Variants in CD86 observed in about 807,000 individuals in gnomAD.
CD86 encodes CD86 molecule, also known as T-lymphocyte activation antigen CD86.
CD86 carries 11 observed loss-of-function variants against 32.1 expected under a neutral mutation model. That is an observed-to-expected ratio of 0.34 (90% CI 0.22 to 0.57). The LOEUF (loss-of-function observed/expected upper bound fraction) is 0.57, where lower values mean the gene tolerates loss of function less well. Among genes scored for constraint, CD86 ranks in the 20% least tolerant of loss-of-function variants. The pLI is 0.86. For synonymous variants in CD86, 137 were observed against 135.3 expected (o/e 1.01, Z -0.09); for missense variants, 359 against 398.4 (o/e 0.90, Z 0.84).
chr3:122,091,251 T>G (rs1232877631), intron 1 of CD86, among the ~76,000 whole-genome samples: 1 of 152,246 alleles, frequency 6.6e-6, no homozygotes, highest in East Asian at 1.9e-4. Context: ...TGCGATTTTC[T>G]AGGCCCTTGG....
chr3:122,091,611 C>T lies in CD86; in HGVS notation c.25C>T (p.Leu9=), dbSNP rs775312353. Residue 9 remains leucine (L), a synonymous_variant, in exon 2 of 7, where the codon CTG becomes TTG. Transcript: ENST00000330540. MDPQCTMG[L]SNILFVMAFL... The stretch of plus-strand genomic sequence containing the variant: ...TTTTCTCGACTCTAGCACTATGGGA[C>T]TGAGTAACATTCTCTTTGTGATGGC... 3 of 1,611,762 alleles carry T rather than the reference C, an allele frequency of 1.9e-6. No individual in the cohort carries two copies. The African/African-American group carries it at 4.0e-5, about 22-fold the overall frequency.
intron 2 of CD86, among the ~76,000 whole-genome samples, chr3:122,092,891 G>A (rs2072847842): frequency 6.6e-6 from 1 of 152,214 alleles, no homozygotes; most frequent in African/African-American, 2.4e-5. Context: ...TCAGATCCAT[G>A]CTGGCTGGGA....
At chr3:122,061,543 G>T in intron 1 of CD86, among the ~76,000 whole-genome samples, 1 of 151,936 alleles carries the variant, frequency 6.6e-6, no homozygotes, top group East Asian at 1.9e-4. Context: ...AGAAAAATGG[G>T]CAAAAGATAT....
chr3:122,104,486 AT>A (rs1008653326), intron 3 of CD86, among the ~76,000 whole-genome samples: 8 of 151,502 alleles, frequency 5.3e-5, no homozygotes, highest in Non-Finnish European at 7.4e-5. Context: ...CAGTAAAATT[AT>A]TTTTTTTTGT....
chr3:122,072,385 G>A (rs1158928339), intron 1 of CD86, among the ~76,000 whole-genome samples: 1 of 151,878 alleles, frequency 6.6e-6, no homozygotes, highest in Non-Finnish European at 1.5e-5. Flanking sequence ...ATTCTCTCCA[G>A]CACCTGTTGT....
intron 5 of CD86, among the ~76,000 whole-genome samples, chr3:122,116,185 T>G (rs981471542): frequency 6.6e-6 from 1 of 152,210 alleles, no homozygotes; most frequent in Non-Finnish European, 1.5e-5. Flanking sequence ...TTCTTTGACT[T>G]TGTTTAAAAA....
chr3:122,070,443 G>A (rs186215792), intron 1 of CD86, among the ~76,000 whole-genome samples: 51 of 152,156 alleles, frequency 3.4e-4, no homozygotes, highest in Admixed American at 1.0e-3. Flanking sequence ...ACCCCACCTC[G>A]GTAACTCACT....
intron 1 of CD86, chr3:122,078,170 C>A: frequency 2.1e-6 from 1 of 466,432 alleles, no homozygotes; most frequent in Non-Finnish European, 2.8e-6. Context: ...TTGCAGAGAG[C>A]ATGCTTAAAA....
At chr3:122,105,245 G>A (rs1399127376) in intron 3 of CD86, among the ~76,000 whole-genome samples, 3 of 152,280 alleles carry the variant, frequency 2.0e-5, no homozygotes, top group South Asian at 2.1e-4. Flanking sequence ...TCTAACTTAC[G>A]CAACATGTGA....
chr3:122,091,592 C>T lies in CD86; in HGVS notation c.15-9C>T, dbSNP rs780736216. On this transcript the variant is annotated splice_polypyrimidine_tract_variant and intron_variant, in intron 1 of 6. Coordinates refer to ENST00000330540, the MANE Select transcript of CD86 (RefSeq NM_175862.5). ...AATCAAGTTTTACCTTTTTTTTTCT[C>T]GACTCTAGCACTATGGGACTGAGTA... 1.4e-5 allele frequency: 23 copies of T among 1,600,210 alleles called. No homozygotes were observed. In the South Asian group the frequency reaches 1.4e-4, roughly 10 times the overall value.
At chr3:122,117,935 AAAGTC>A (rs766716081) in intron 5 of CD86, 108 bp from the exon 6 acceptor site, 14 of 837,608 alleles carry the variant, frequency 1.7e-5, no homozygotes, top group Non-Finnish European at 2.8e-5. Flanking sequence ...TTCCATATAT[AAAGTC>A]ACAACAATTT....
intron 3 of CD86, 116 bp downstream of exon 3, chr3:122,103,963 G>A (rs1195048059): frequency 1.2e-6 from 1 of 805,380 alleles, no homozygotes; most frequent in African/African-American, 1.7e-5. Context: ...GGGGTCTATA[G>A]AGAGAAGGCA....
intron 1 of CD86, among the ~76,000 whole-genome samples, chr3:122,091,180 T>C (rs1052291441): frequency 6.6e-6 from 1 of 152,112 alleles, no homozygotes; most frequent in Non-Finnish European, 1.5e-5. Flanking sequence ...GTGGGAGAGG[T>C]GTAAAGAGAG....
chr3:122,109,244 A>C, intron 4 of CD86, 21 bp from the exon 5 acceptor site: 4 of 1,605,954 alleles, frequency 2.5e-6, no homozygotes, highest in Non-Finnish European at 3.4e-6. Context: ...TGGCTGATTG[A>C]AAATTTGTGG....
chr3:122,119,478 CGT>C lies in CD86; in HGVS notation c.937_938del (p.Val313PhefsTer2). ...ACCTGAAAGATCTGATGAAGCCCAG[CGT>C]GTTTTTAAAAGTTCGAAGACATCTT... is the stretch of plus-strand genomic sequence containing the variant. ...HIPERSDEAQ[R>X]VFKSSKTSSC... On this transcript the variant is annotated frameshift_variant, in exon 7 of 7. Transcript: ENST00000330540. LOFTEE classifies it low-confidence loss of function (END_TRUNC). 6.2e-7 allele frequency: 1 copy of C among 1,611,392 alleles called. No individual in the cohort carries two copies. The highest frequency in any genetic ancestry group is 8.5e-7 in the Non-Finnish European group (1 of 1,177,634).
intron 5 of CD86, among the ~76,000 whole-genome samples, chr3:122,115,265 C>A (rs1242279213): frequency 2.6e-5 from 4 of 151,988 alleles, no homozygotes; most frequent in Admixed American, 2.6e-4. Context: ...ATAATAGCAT[C>A]AAATAATATT....
In CD86 at chr3:122,091,685, C is replaced by T. The variant is rs764491301; in HGVS notation, c.64+35C>T. ...TTTCAGCTTTGTTAAGTCCTGGAAT[C>T]CTACTGTCTCCTGATGAGTCTGACC... On this transcript the variant is annotated intron_variant, in intron 2 of 6. Transcript: ENST00000330540. 5.8e-6 allele frequency: 9 copies of T among 1,557,310 alleles called. No homozygotes were observed. The South Asian group carries it at 8.9e-5, about 15-fold the overall frequency.
chr3:122,082,876 T>C (rs1271942254), intron 1 of CD86, among the ~76,000 whole-genome samples: 1 of 152,240 alleles, frequency 6.6e-6, no homozygotes, highest in Admixed American at 6.5e-5. Context: ...TTTTACTAAA[T>C]ACATAAAAGT....
rs1389774869 is a variant in CD86, at chr3:122,106,210, A to C, written c.413A>C (p.Gln138Pro). 3.1e-6 allele frequency: 5 copies of C among 1,596,264 alleles called. No homozygotes were observed. The highest frequency in any genetic ancestry group is 4.5e-5 in the East Asian group (2 of 44,654). ...CTTCTGCTTTCAGCTAACTTCAGTC[A>C]ACCTGAAATAGTACCAATTTCTAAT... is the stretch of plus-strand genomic sequence containing the variant. The part of the protein sequence containing the change: ...SELSVLANFS[Q>P]PEIVPISNIT... Residue 138 changes from glutamine to proline, a missense_variant, in exon 4 of 7, where the codon CAA becomes CCA. Transcript: ENST00000330540.
Sources: allele counts gnomAD v4.1 joint callset (sites outside exome capture counted in the v4.1 genomes callset), GRCh38; gene constraint gnomAD v4.1.1; transcripts MANE v1.5; gene names NCBI Gene and HGNC (gene_info 2026-07-23, HGNC 2026-07-21).